The following KSR2 variants were observed in gnomAD, a reference collection of about 807,000 sequenced individuals.
KSR2 encodes kinase suppressor of ras 2.
Under a neutral mutation model 107.8 loss-of-function variants are expected in KSR2, and 25 were observed. The observed-to-expected ratio is 0.23, with a 90% CI of 0.17 to 0.32. The LOEUF (loss-of-function observed/expected upper bound fraction) is 0.32. Ranked by LOEUF, KSR2 falls within the 10% of genes least tolerant of loss-of-function variation. The pLI is 1.00. For synonymous variants in KSR2, 480 were observed against 507.0 expected (o/e 0.95, Z 0.71); for missense variants, 887 against 1,268.9 (o/e 0.70, Z 4.57).
intron 1 of KSR2, among the ~76,000 whole-genome samples, chr12:117,892,787 CAAAAAAAAA>C (rs35897528): frequency 1.1e-4 from 10 of 87,124 alleles, no homozygotes; most frequent in East Asian, 9.2e-4. Flanking sequence ...GTGCTATGTG[CAAAAAAAAA>C]AAAAAAAAAA....
At chr12:117,836,921 GT>G (rs1892238780) in intron 3 of KSR2, among the ~76,000 whole-genome samples, 1 of 152,226 alleles carries the variant, frequency 6.6e-6, no homozygotes, top group Non-Finnish European at 1.5e-5. Context: ...ACTGCCTAGA[GT>G]TTTTTCTGTC....
At chr12:117,682,310 C>T (rs1456141432) in intron 4 of KSR2, among the ~76,000 whole-genome samples, 2 of 152,152 alleles carry the variant, frequency 1.3e-5, no homozygotes, top group African/African-American at 4.8e-5. Context: ...ATAGCTAATG[C>T]ATGCTGGGCT....
At chr12:117,900,454 C>T (rs1266539424) in intron 1 of KSR2, among the ~76,000 whole-genome samples, 1 of 152,044 alleles carries the variant, frequency 6.6e-6, no homozygotes, top group African/African-American at 2.4e-5. Context: ...ATAGATGCCT[C>T]AAGGGAAAGG....
intron 14 of KSR2, among the ~76,000 whole-genome samples, chr12:117,499,168 C>A (rs919795169): frequency 2.6e-5 from 4 of 152,182 alleles, no homozygotes; most frequent in African/African-American, 9.7e-5. Flanking sequence ...TCACCAGAAC[C>A]ACACTTATTT....
intron 3 of KSR2, among the ~76,000 whole-genome samples, chr12:117,769,747 C>A (rs1302031660): frequency 2.0e-5 from 3 of 152,190 alleles, no homozygotes; most frequent in Non-Finnish European, 4.4e-5. Context: ...TGACACAGAG[C>A]TCACACTCAA....
At chr12:117,682,239 A>C (rs1414527175) in intron 4 of KSR2, among the ~76,000 whole-genome samples, 1 of 152,110 alleles carries the variant, frequency 6.6e-6, no homozygotes, top group African/African-American at 2.4e-5. Flanking sequence ...AGACACAGGG[A>C]AGGGAACAAC....
chr12:117,658,386 A>G (rs189073227), intron 5 of KSR2, among the ~76,000 whole-genome samples: 17 of 152,312 alleles, frequency 1.1e-4, no homozygotes, highest in African/African-American at 3.8e-4. Flanking sequence ...AGGAGATGAA[A>G]AAAAGTGGAA....
At chr12:117,570,039 G>C (rs1479332187) in intron 7 of KSR2, among the ~76,000 whole-genome samples, 2 of 149,290 alleles carry the variant, frequency 1.3e-5, no homozygotes, top group East Asian at 3.9e-4. Flanking sequence ...GTCTCGCTCT[G>C]TTGCCCAGGC....
At chr12:117,574,181 G>T (rs1386170622) in intron 7 of KSR2, among the ~76,000 whole-genome samples, 1 of 149,656 alleles carries the variant, frequency 6.7e-6, no homozygotes, top group East Asian at 2.0e-4. Flanking sequence ...TAGGAGTGGA[G>T]CCCAGAAAAC....
At chr12:117,523,354 C>G (rs1186726504) in intron 14 of KSR2, among the ~76,000 whole-genome samples, 1 of 152,146 alleles carries the variant, frequency 6.6e-6, no homozygotes, top group African/African-American at 2.4e-5. Context: ...GAGAGAGCTC[C>G]TAACAGCCCC....
At chr12:117,511,054 G>A (rs755384123) in intron 14 of KSR2, among the ~76,000 whole-genome samples, 13 of 152,176 alleles carry the variant, frequency 8.5e-5, no homozygotes, top group African/African-American at 4.8e-5. Flanking sequence ...TTGAACGGAT[G>A]CAGAAACTGA....
At chr12:117,718,439 C>T (rs1025681093) in intron 4 of KSR2, among the ~76,000 whole-genome samples, 13 of 152,178 alleles carry the variant, frequency 8.5e-5, no homozygotes, top group African/African-American at 1.7e-4. Flanking sequence ...TAAATAAATA[C>T]GGCTTTCAGG....
chr12:117,653,925 A>G (rs1285815937), intron 5 of KSR2, among the ~76,000 whole-genome samples: 1 of 152,194 alleles, frequency 6.6e-6, no homozygotes, highest in East Asian at 1.9e-4. Flanking sequence ...ATGATCCAGC[A>G]GATCCAATGG....
chr12:117,734,208 G>A (rs1013826662), intron 4 of KSR2, among the ~76,000 whole-genome samples: 7 of 151,092 alleles, frequency 4.6e-5, no homozygotes, highest in Non-Finnish European at 5.9e-5. Flanking sequence ...TTGAACCTGT[G>A]AGGTGGAGGT....
chr12:117,568,322 T>C (rs1878660756), intron 7 of KSR2, among the ~76,000 whole-genome samples: 1 of 152,154 alleles, frequency 6.6e-6, no homozygotes, highest in Admixed American at 6.5e-5. Context: ...TGGGAGCATG[T>C]GGCAGGCTGG....
chr12:117,505,922 C>T (rs1282379483), intron 14 of KSR2, among the ~76,000 whole-genome samples: 3 of 152,108 alleles, frequency 2.0e-5, no homozygotes, highest in Non-Finnish European at 2.9e-5. Flanking sequence ...CTCTTCATGC[C>T]CTTTGCACAC....
intron 3 of KSR2, among the ~76,000 whole-genome samples, chr12:117,800,192 C>T (rs1270624939): frequency 6.6e-6 from 1 of 152,126 alleles, no homozygotes; most frequent in Non-Finnish European, 1.5e-5. Context: ...GGAAGAAGGG[C>T]AGAAGCCGGA....
chr12:117,794,188 A>G (rs1241112086), intron 3 of KSR2, among the ~76,000 whole-genome samples: 1 of 125,592 alleles, frequency 8.0e-6, no homozygotes, highest in East Asian at 2.8e-4. Flanking sequence ...ACCAACATGC[A>G]CACACACCAT....
chr12:117,702,828 C>T (rs957419605), intron 4 of KSR2, among the ~76,000 whole-genome samples: 1 of 152,186 alleles, frequency 6.6e-6, no homozygotes, highest in Non-Finnish European at 1.5e-5. Flanking sequence ...TTTGAAAGCT[C>T]CGCTCTGGCT....
Sources: gnomAD v4.1 joint callset for allele counts (sites outside exome capture counted in the v4.1 genomes callset) on GRCh38, gnomAD v4.1.1 for gene constraint, MANE v1.5 for transcripts, NCBI Gene and HGNC (gene_info 2026-07-23, HGNC 2026-07-21) for gene names.